SRPK2: variants seen among roughly 807,000 people sequenced by gnomAD.
The protein encoded by SRPK2 is SFRS protein kinase 2.
Under a neutral mutation model 90.8 loss-of-function variants are expected in SRPK2, and 21 were observed. The observed-to-expected ratio is 0.23, with a 90% CI of 0.16 to 0.33. SRPK2 has a LOEUF of 0.33. Ranked by LOEUF, SRPK2 falls within the 10% of genes least tolerant of loss-of-function variation. The pLI, the probability that SRPK2 is intolerant of heterozygous loss-of-function variation, is 1.00. For missense variants in SRPK2, 620 were observed against 869.0 expected, an observed-to-expected ratio of 0.71 and a Z score of 3.60; for synonymous variants, 288 against 311.1, an observed-to-expected ratio of 0.93 and a Z score of 0.78.
chr7:105,155,595 G>A (rs1184833291), intron 7 of SRPK2, among the ~76,000 whole-genome samples: 1 of 152,178 alleles, frequency 6.6e-6, no homozygotes, highest in African/African-American at 2.4e-5. Flanking sequence ...ATCCTATCTG[G>A]TCTGAAGTGC....
chr7:105,322,371 C>T (rs188963831), intron 2 of SRPK2, among the ~76,000 whole-genome samples: 5 of 150,494 alleles, frequency 3.3e-5, no homozygotes, highest in East Asian at 3.9e-4. Context: ...GCACCGAGAT[C>T]GTGACACGGC....
chr7:105,302,158 T>A (rs1328671610), intron 2 of SRPK2: 1 of 1,041,838 alleles, frequency 9.6e-7, no homozygotes, highest in African/African-American at 1.6e-5. Flanking sequence ...TTCATTACCA[T>A]TTTCTGGTAT....
chr7:105,276,073 GAT>G (rs751200254), intron 2 of SRPK2, among the ~76,000 whole-genome samples: 247 of 137,570 alleles, frequency 1.8e-3, no homozygotes, highest in Non-Finnish European at 2.8e-3. Context: ...ACATGAGGAG[GAT>G]ATATATATAT....
intron 2 of SRPK2, among the ~76,000 whole-genome samples, chr7:105,216,247 T>C (rs959194219): frequency 6.6e-6 from 1 of 152,116 alleles, no homozygotes; most frequent in African/African-American, 2.4e-5. Context: ...ATGAAAGATA[T>C]ACACACTGAT....
intron 2 of SRPK2, among the ~76,000 whole-genome samples, chr7:105,293,834 A>G (rs67154126): frequency 0.41 from 62,940 of 151,994 alleles, 14,894 homozygotes; most frequent in Non-Finnish European, 0.53. Context: ...ATCTTTCACT[A>G]TAAGTCAATG....
At chr7:105,328,445 C>T (rs1018140451) in intron 2 of SRPK2, among the ~76,000 whole-genome samples, 6 of 151,152 alleles carry the variant, frequency 4.0e-5, no homozygotes, top group African/African-American at 1.5e-4. Flanking sequence ...CGACTGTAAT[C>T]CCAGCTATTC....
intron 2 of SRPK2, among the ~76,000 whole-genome samples, chr7:105,374,524 T>C (rs928885672): frequency 1.3e-5 from 2 of 152,154 alleles, no homozygotes; most frequent in African/African-American, 4.8e-5. Context: ...TGTCTAGCAA[T>C]AGGGAAATAT....
chr7:105,126,302 G>C lies in SRPK2; in HGVS notation c.1861C>G (p.Pro621Ala). The C allele has an allele frequency of 6.2e-7, 1 of 1,614,106 alleles. No individual in the cohort carries two copies. Among genetic ancestry groups the C allele is most frequent in the Non-Finnish European group, 8.5e-7 (1 of 1,179,970 alleles). The change falls in exon 15 of 16, where the codon CCA becomes GCA. Residue 621 changes from proline (P) to alanine (A), a missense_variant. This residue lies in a region of SRPK2 where 71 missense variants were observed against 123.1 expected (regional missense o/e 0.58). Transcript: ENST00000393651. ...AHIIELLGSIPRHFALSGKYS... is the reference protein window; with the variant it reads ...AHIIELLGSIARHFALSGKYS... ...TTTCCAGATAGAGCAAAGTGCCTTG[G>C]AATACTGCCTAGCAGCTCTATGATG...
At chr7:105,385,220 G>A (rs1821417798) in intron 2 of SRPK2, among the ~76,000 whole-genome samples, 1 of 117,082 alleles carries the variant, frequency 8.5e-6, no homozygotes, top group Middle Eastern at 5.6e-3. Flanking sequence ...TCGCTCTGTC[G>A]CCCAAGCTGG....
chr7:105,273,118 G>T lies in SRPK2; in HGVS notation c.72-69333C>A, dbSNP rs1391625699. Among the ~76,000 whole-genome samples, 4 of 151,984 alleles carry T rather than the reference G, an allele frequency of 2.6e-5. No homozygotes were observed. In the East Asian group the frequency reaches 7.8e-4, roughly 30 times the overall value. On this transcript the variant is annotated intron_variant, in intron 2 of 15. Coordinates refer to ENST00000393651, the MANE Select transcript of SRPK2 (RefSeq NM_182692.3). ...TAGTCCCAGCTACTCAGGAGGCTGA[G>T]GCAGGAGAATGGCATGAACCCGGGA...
intron 2 of SRPK2, among the ~76,000 whole-genome samples, chr7:105,209,915 A>G (rs908271316): frequency 1.3e-5 from 2 of 152,218 alleles, no homozygotes; most frequent in Non-Finnish European, 2.9e-5. Flanking sequence ...GGTTTAAAAA[A>G]ACTTAAAAAT....
chr7:105,182,168 T>C lies in SRPK2; in HGVS notation c.230-12903A>G, dbSNP rs1358862104. Among the ~76,000 whole-genome samples the C allele has an allele frequency of 4.2e-5, 6 of 144,544 alleles. No homozygotes were observed. The East Asian group carries it at 1.1e-3, about 25-fold the overall frequency. The allele number at this position is 144,544 out of a possible 152,430, so 94.8% of individuals were successfully genotyped here. On this transcript the variant is annotated intron_variant, in intron 3 of 15. Coordinates refer to ENST00000393651, the MANE Select transcript of SRPK2 (RefSeq NM_182692.3). The stretch of plus-strand genomic sequence containing the variant: ...ATCGCTTGAACCCAGGAGGTGGAGG[T>C]TGCAGTGAGCCAAGATCACACCACT...
intron 2 of SRPK2, chr7:105,244,980 C>T: frequency 1.7e-6 from 2 of 1,153,874 alleles, no homozygotes; most frequent in Non-Finnish European, 2.5e-6. Flanking sequence ...AGCCCCCTTC[C>T]CTGCCCTCTC....
chr7:105,278,267 A>T (rs1325428156), intron 2 of SRPK2, among the ~76,000 whole-genome samples: 1 of 151,280 alleles, frequency 6.6e-6, no homozygotes, highest in Non-Finnish European at 1.5e-5. Flanking sequence ...GTGAGCTGAG[A>T]TCACGCTACT....
At chr7:105,152,021 CT>C (rs1447991128) in intron 7 of SRPK2, among the ~76,000 whole-genome samples, 3 of 116,654 alleles carry the variant, frequency 2.6e-5, no homozygotes, top group African/African-American at 9.3e-5. Context: ...GAGGTTCTGT[CT>C]CAAAAAAAAA....
At chr7:105,273,375 C>T (rs142903207) in intron 2 of SRPK2, among the ~76,000 whole-genome samples, 272 of 152,006 alleles carry the variant, frequency 1.8e-3, no homozygotes, top group African/African-American at 6.2e-3. Context: ...CCCTGGAATA[C>T]CACCGTTCAG....
In SRPK2 at chr7:105,196,858, T is replaced by A. The variant is rs191188295; in HGVS notation, c.229+6770A>T. On this transcript the variant is annotated intron_variant, in intron 3 of 15. Coordinates refer to ENST00000393651, the MANE Select transcript of SRPK2 (RefSeq NM_182692.3). ...TGAGGTCAGGAGTTCGAGACCAGCATGGCCAACATGGTGAAACCTCATCTC... is the reference window on the plus strand; with the variant it reads ...TGAGGTCAGGAGTTCGAGACCAGCAAGGCCAACATGGTGAAACCTCATCTC... Among the ~76,000 whole-genome samples, 9 of 152,150 alleles carry A rather than the reference T, an allele frequency of 5.9e-5. No homozygotes were observed. The East Asian group carries it at 1.7e-3, about 29-fold the overall frequency.
chr7:105,152,023 C>CA (rs34579509), intron 7 of SRPK2, among the ~76,000 whole-genome samples: 4,482 of 108,212 alleles, frequency 0.041, 84 homozygotes, highest in African/African-American at 0.052. Flanking sequence ...GGTTCTGTCT[C>CA]AAAAAAAAAA....
chr7:105,145,456 G>T, intron 8 of SRPK2, 148 bp from the exon 9 acceptor site: 2 of 519,866 alleles, frequency 3.8e-6, no homozygotes, highest in East Asian at 3.2e-5. Flanking sequence ...TTAATCACAA[G>T]GATCTAGAGT....
Sources: allele counts gnomAD v4.1 joint callset (sites outside exome capture counted in the v4.1 genomes callset), GRCh38; gene constraint gnomAD v4.1.1; regional missense constraint gnomAD v4.1.1; transcripts MANE v1.5; gene names NCBI Gene and HGNC (gene_info 2026-07-23, HGNC 2026-07-21).